NALF1: variants seen among roughly 807,000 people sequenced by gnomAD.
NALF1 encodes family with sequence similarity 155 member A.
A neutral mutation model predicts 48.4 loss-of-function variants in NALF1; 3 were observed. The ratio of observed to expected loss-of-function variants is 0.06; its 90% CI spans 0.03 to 0.16. The LOEUF is 0.16. NALF1 is among the 10% of genes least tolerant of loss of function. The pLI is 1.00. For synonymous variants in NALF1, 262 were observed against 245.7 expected (o/e 1.07, Z -0.62); for missense variants, 526 against 571.5 (o/e 0.92, Z 0.81).
intron 1 of NALF1, among the ~76,000 whole-genome samples, chr13:107,523,155 T>C (rs4253): frequency 0.7 from 106,383 of 151,892 alleles, 38,372 homozygotes; most frequent in Middle Eastern, 0.84. Context: ...ATCCAGGAAA[T>C]GGTACTGGAT....
At chr13:107,258,855 G>C (rs1314954274) in intron 1 of NALF1, among the ~76,000 whole-genome samples, 5 of 147,674 alleles carry the variant, frequency 3.4e-5, no homozygotes, top group Non-Finnish European at 6.0e-5. Flanking sequence ...AGGATGTTTA[G>C]ATGGCACAGA....
At chr13:107,326,733 C>G (rs1882372577) in intron 1 of NALF1, among the ~76,000 whole-genome samples, 1 of 152,318 alleles carries the variant, frequency 6.6e-6, no homozygotes, top group Middle Eastern at 3.4e-3. Flanking sequence ...ATATAAGAAA[C>G]CAGCAAGCAA....
intron 1 of NALF1, among the ~76,000 whole-genome samples, chr13:107,605,085 G>C (rs1879028440): frequency 6.6e-6 from 1 of 152,110 alleles, no homozygotes; most frequent in Non-Finnish European, 1.5e-5. Flanking sequence ...TTGACTCATG[G>C]AGTTTATCAC....
intron 1 of NALF1, among the ~76,000 whole-genome samples, chr13:107,799,620 A>G (rs996376617): frequency 6.6e-6 from 1 of 152,190 alleles, no homozygotes; most frequent in African/African-American, 2.4e-5. Flanking sequence ...CTTATAATAA[A>G]TCTTATGGTA....
chr13:107,828,931 C>T lies in NALF1; in HGVS notation c.915+36751G>A, dbSNP rs1879617686. Among the ~76,000 whole-genome samples the T allele has an allele frequency of 2.0e-5, 3 of 152,130 alleles. No homozygotes were observed. In the South Asian group the frequency reaches 6.2e-4, roughly 31 times the overall value. On this transcript the variant is annotated intron_variant, in intron 1 of 2. Transcript: ENST00000375915. The stretch of plus-strand genomic sequence containing the variant: ...ACATGAATCATTACCTGGACAAGGA[C>T]ATTTCTCTTTAAGCTATTAGATTAT...
chr13:107,680,336 C>T (rs753718586), intron 1 of NALF1, among the ~76,000 whole-genome samples: 14 of 152,196 alleles, frequency 9.2e-5, no homozygotes, highest in Admixed American at 3.3e-4. Context: ...TGGACAAGAA[C>T]AAGCATTCTC....
chr13:107,428,205 C>T (rs796324404), intron 1 of NALF1, among the ~76,000 whole-genome samples: 3 of 152,206 alleles, frequency 2.0e-5, no homozygotes, highest in African/African-American at 7.2e-5. Context: ...AACTATTAAC[C>T]CAAGTTAAGC....
chr13:107,384,537 T>C (rs1883494676), intron 1 of NALF1, among the ~76,000 whole-genome samples: 1 of 152,152 alleles, frequency 6.6e-6, no homozygotes, highest in Admixed American at 6.5e-5. Flanking sequence ...ATAATTTATA[T>C]CCCTTTATCG....
intron 1 of NALF1, among the ~76,000 whole-genome samples, chr13:107,719,396 A>G (rs539246754): frequency 2.0e-5 from 3 of 152,212 alleles, no homozygotes; most frequent in African/African-American, 7.2e-5. Flanking sequence ...TCCTGTTTCT[A>G]CTAATCTATC....
intron 1 of NALF1, among the ~76,000 whole-genome samples, chr13:107,231,464 G>A (rs1880223536): frequency 6.6e-6 from 1 of 152,090 alleles, no homozygotes; most frequent in African/African-American, 2.4e-5. Context: ...GTGAATAATT[G>A]TAACTATTTG....
At chr13:107,408,341 G>A (rs1254506991) in intron 1 of NALF1, among the ~76,000 whole-genome samples, 1 of 151,968 alleles carries the variant, frequency 6.6e-6, no homozygotes, top group African/African-American at 2.4e-5. Context: ...CATTTACCCT[G>A]ATGTGATTAT....
intron 1 of NALF1, among the ~76,000 whole-genome samples, chr13:107,695,183 T>C (rs899050044): frequency 2.0e-5 from 3 of 152,116 alleles, no homozygotes; most frequent in African/African-American, 7.2e-5. Context: ...TTCTCAGATA[T>C]GATATAGAAC....
intron 1 of NALF1, among the ~76,000 whole-genome samples, chr13:107,490,099 G>A (rs539979498): frequency 5.3e-5 from 8 of 152,274 alleles, no homozygotes; most frequent in African/African-American, 1.9e-4. Context: ...AGGTTGTGGA[G>A]AAAAAGGAAC....
intron 1 of NALF1, among the ~76,000 whole-genome samples, chr13:107,349,785 G>A (rs1024105029): frequency 4.7e-5 from 7 of 150,182 alleles, no homozygotes; most frequent in Non-Finnish European, 8.9e-5. Flanking sequence ...TATCTCCTCC[G>A]TGCAAGATAG....
chr13:107,404,905 A>G (rs1883873718), intron 1 of NALF1, among the ~76,000 whole-genome samples: 1 of 152,132 alleles, frequency 6.6e-6, no homozygotes, highest in Non-Finnish European at 1.5e-5. Context: ...CAGTCACTCA[A>G]TAAAGTTTCA....
At chr13:107,615,962 G>A (rs143974853) in intron 1 of NALF1, among the ~76,000 whole-genome samples, 1 of 152,226 alleles carries the variant, frequency 6.6e-6, no homozygotes, top group Non-Finnish European at 1.5e-5. Flanking sequence ...GTCCTAATCT[G>A]CTAAGAGTAT....
At chr13:107,243,854 C>T (rs1363081293) in intron 1 of NALF1, among the ~76,000 whole-genome samples, 1 of 152,098 alleles carries the variant, frequency 6.6e-6, no homozygotes, top group African/African-American at 2.4e-5. Context: ...AAGTGATATT[C>T]CCATTGGATT....
Position 107,362,664 on chromosome 13 carries a change from T to C in NALF1, c.916-151909A>G, listed in dbSNP as rs1378566267. ...GGTCACATTAACAGATTCTGGGAGT[T>C]AGGACCTCAACATATTTTGCTGGGG... is the stretch of plus-strand genomic sequence containing the variant. On this transcript the variant is annotated intron_variant, in intron 1 of 2. Transcript: ENST00000375915. This position sits in a 1 kb window ranked among gnomAD's most constrained non-coding sequence, Gnocchi z 4.6. Among the ~76,000 whole-genome samples, 1 of 151,836 alleles carries C rather than the reference T, an allele frequency of 6.6e-6. No individual in the cohort carries two copies. The highest frequency in any genetic ancestry group is 1.9e-4 in the East Asian group (1 of 5,180).
chr13:107,748,747 T>C (rs1251476202), intron 1 of NALF1, among the ~76,000 whole-genome samples: 1 of 152,210 alleles, frequency 6.6e-6, no homozygotes, highest in Non-Finnish European at 1.5e-5. Flanking sequence ...TGGAAATGCA[T>C]GTACTACACT....
Sources: gnomAD v4.1 joint callset for allele counts (sites outside exome capture counted in the v4.1 genomes callset) on GRCh38, gnomAD v4.1.1 for gene constraint, Gnocchi (gnomAD v3.1) non-coding constraint, MANE v1.5 for transcripts, NCBI Gene and HGNC (gene_info 2026-07-23, HGNC 2026-07-21) for gene names.